HPSE2: variants seen among roughly 807,000 people sequenced by gnomAD.
HPSE2 encodes heparanase 2 (inactive), also known as inactive heparanase-2.
HPSE2 carries 38 observed loss-of-function variants against 60.5 expected under a neutral mutation model. The observed-to-expected ratio is 0.63, with a 90% CI of 0.48 to 0.82. The LOEUF (loss-of-function observed/expected upper bound fraction) is 0.82, where lower values mean the gene tolerates loss of function less well. Ranked by LOEUF, HPSE2 falls within the 40% of genes least tolerant of loss-of-function variation. HPSE2 has a pLI of 0.00. For synonymous variants in HPSE2, 295 were observed against 293.2 expected (o/e 1.01, Z -0.06); for missense variants, 713 against 740.4 (o/e 0.96, Z 0.43).
chr10:98,847,835 A>G lies in HPSE2; in HGVS notation c.611-103779T>C, dbSNP rs142288963. On this transcript the variant is annotated intron_variant, in intron 3 of 11. Transcript: ENST00000370552. ...TCCCTAAATGGTACTTTATTAGAATACCCAGACTGTGTGGTCCCTTTACTA... is the reference window on the plus strand; with the variant it reads ...TCCCTAAATGGTACTTTATTAGAATGCCCAGACTGTGTGGTCCCTTTACTA... 1.5e-3 allele frequency among the ~76,000 whole-genome samples: 224 copies of G among 152,320 alleles called. 2 individuals carry two copies. The highest frequency in any genetic ancestry group is 5.1e-3 in the African/African-American group (213 of 41,574).
intron 3 of HPSE2, among the ~76,000 whole-genome samples, chr10:98,797,949 A>G (rs955694570): frequency 1.3e-5 from 2 of 152,200 alleles, no homozygotes; most frequent in African/African-American, 4.8e-5. Context: ...TGGAGAAGAT[A>G]CCAACATTCA....
chr10:98,989,511 G>T (rs1019706547), intron 3 of HPSE2, among the ~76,000 whole-genome samples: 1 of 144,654 alleles, frequency 6.9e-6, no homozygotes, highest in Non-Finnish European at 1.5e-5. Flanking sequence ...TGGGGGGAGG[G>T]GGGAGGGATA....
At chr10:98,875,538 G>A (rs981904507) in intron 3 of HPSE2, among the ~76,000 whole-genome samples, 3 of 151,630 alleles carry the variant, frequency 2.0e-5, no homozygotes, top group African/African-American at 7.3e-5. Flanking sequence ...GTAATTAATA[G>A]CCTACCAACC....
rs75547347 is a variant in HPSE2, at chr10:98,643,390, A to G, written c.1005-1450T>C. On this transcript the variant is annotated intron_variant, in intron 6 of 11. Coordinates refer to ENST00000370552, the MANE Select transcript of HPSE2 (RefSeq NM_021828.5). ...TCACCTCACAAAGATGGGATTATAA[A>G]CAATAGGAGACTGATTAATTAAGTT... is the stretch of plus-strand genomic sequence containing the variant. 3.6e-3 allele frequency among the ~76,000 whole-genome samples: 551 copies of G among 152,356 alleles called. 16 individuals carry two copies. The East Asian group carries it at 0.092, about 25-fold the overall frequency.
chr10:99,035,631 C>T (rs1386854750), intron 3 of HPSE2, among the ~76,000 whole-genome samples: 3 of 152,170 alleles, frequency 2.0e-5, no homozygotes, highest in Non-Finnish European at 4.4e-5. Flanking sequence ...TACTTTTATA[C>T]AAGTGGCAGC....
At chr10:98,566,688 A>G (rs1194019711) in intron 9 of HPSE2, among the ~76,000 whole-genome samples, 1 of 152,192 alleles carries the variant, frequency 6.6e-6, no homozygotes, top group Non-Finnish European at 1.5e-5. Context: ...GTGAGACAGC[A>G]TGAGCTGGAG....
intron 9 of HPSE2, among the ~76,000 whole-genome samples, chr10:98,609,285 G>A (rs182428982): frequency 3.9e-5 from 6 of 152,244 alleles, no homozygotes; most frequent in Admixed American, 3.3e-4. Flanking sequence ...GCTCCTTGAG[G>A]GCAGGACAGT....
At chr10:99,088,417 T>C (rs893935048) in intron 3 of HPSE2, among the ~76,000 whole-genome samples, 3 of 152,136 alleles carry the variant, frequency 2.0e-5, no homozygotes, top group East Asian at 1.9e-4. Flanking sequence ...TGCCTTTGCA[T>C]CTCATAGCTT....
chr10:99,244,568 A>ATTTTTTTTTTTT, the HPSE2 span, among the ~76,000 whole-genome samples: 1 of 73,718 alleles, frequency 1.4e-5, no homozygotes, highest in Non-Finnish European at 2.3e-5. Flanking sequence ...CTATGCCTGG[A>ATTTTTTTTTTTT]TTTTTTTTTT....
chr10:98,676,913 TTC>T (rs201206150), intron 6 of HPSE2, among the ~76,000 whole-genome samples: 5 of 138,114 alleles, frequency 3.6e-5, no homozygotes, highest in East Asian at 2.1e-4. Flanking sequence ...CTGTTCCATT[TTC>T]TCTCTTTTTT....
chr10:99,268,627 C>T, the HPSE2 span, among the ~76,000 whole-genome samples: 1 of 130,326 alleles, frequency 7.7e-6, no homozygotes, highest in African/African-American at 3.0e-5. Flanking sequence ...GCATTGGCAA[C>T]AGAGAAAGAC....
At chr10:99,005,846 A>G (rs952500219) in intron 3 of HPSE2, among the ~76,000 whole-genome samples, 1 of 152,100 alleles carries the variant, frequency 6.6e-6, no homozygotes, top group Non-Finnish European at 1.5e-5. Flanking sequence ...AGAGATTCTG[A>G]GTAAGTTGTC....
chr10:99,184,811 TATATATATAGAG>T (rs1430622815), intron 2 of HPSE2, among the ~76,000 whole-genome samples: 37 of 37,872 alleles, frequency 9.8e-4, no homozygotes, highest in African/African-American at 2.1e-3. Context: ...TATATATATA[TATATATATAGAG>T]AGAGAGAGAG....
chr10:98,640,639 G>A (rs1308455758), intron 7 of HPSE2, among the ~76,000 whole-genome samples: 3 of 152,064 alleles, frequency 2.0e-5, no homozygotes, highest in Non-Finnish European at 4.4e-5. Context: ...TATTTATTGA[G>A]GGCCTACCTG....
rs1259393028 is a variant in HPSE2, at chr10:98,937,997, A to G, written c.611-193941T>C. On this transcript the variant is annotated intron_variant, in intron 3 of 11. Transcript: ENST00000370552. ...CAAACAGGGTCTGGAGTGGACCTCT[A>G]GCAAACTCCAACAGACCTGCAGCTG... Among the ~76,000 whole-genome samples, 2 of 143,682 alleles carry G rather than the reference A, an allele frequency of 1.4e-5. 1 individual carries two copies. The highest frequency in any genetic ancestry group is 5.7e-5 in the African/African-American group (2 of 35,186). The allele number at this position is 143,682 out of a possible 152,430, so 94.3% of individuals were successfully genotyped here. A position where few individuals can be genotyped will look rare whatever the true frequency, so the allele number is the denominator to read the frequency against.
At chr10:99,050,136 A>G (rs1272047936) in intron 3 of HPSE2, among the ~76,000 whole-genome samples, 1 of 152,054 alleles carries the variant, frequency 6.6e-6, no homozygotes, top group Non-Finnish European at 1.5e-5. Flanking sequence ...TCATCTCTAC[A>G]AAAAAAGTGT....
rs774794256 is a variant in HPSE2 at position 99,144,223 on chromosome 10, C to T, written c.610+15G>A. 5.6e-5 allele frequency: 90 copies of T among 1,613,104 alleles called. No individual in the cohort carries two copies. The highest frequency in any genetic ancestry group is 7.5e-5 in the Non-Finnish European group (88 of 1,179,854). On this transcript the variant is annotated intron_variant, in intron 3 of 11. Coordinates refer to ENST00000370552, the MANE Select transcript of HPSE2 (RefSeq NM_021828.5). ...CTGAATGCTCTAAGATTTCAACCAACTCCAATAGCCTTACCTGTTAATATG... is the reference window on the plus strand; with the variant it reads ...CTGAATGCTCTAAGATTTCAACCAATTCCAATAGCCTTACCTGTTAATATG...
At chr10:98,669,140 A>AG (rs1947444385) in intron 6 of HPSE2, among the ~76,000 whole-genome samples, 1 of 66,408 alleles carries the variant, frequency 1.5e-5, no homozygotes, top group Non-Finnish European at 4.6e-5. Context: ...AAAAATACTC[A>AG]AATCACTAAT....
intron 3 of HPSE2, among the ~76,000 whole-genome samples, chr10:98,850,713 G>C (rs1379039395): frequency 2.0e-5 from 3 of 147,792 alleles, no homozygotes; most frequent in Non-Finnish European, 4.5e-5. Flanking sequence ...CTCCAGCCTG[G>C]GTGACAGAGT....
Sources: allele counts gnomAD v4.1 joint callset (sites outside exome capture counted in the v4.1 genomes callset), GRCh38; gene constraint gnomAD v4.1.1; transcripts MANE v1.5; gene names NCBI Gene and HGNC (gene_info 2026-07-23, HGNC 2026-07-21).